Variants in CUL4A observed in about 807,000 individuals in gnomAD.
CUL4A encodes the protein cullin-4A.
In CUL4A, 16 loss-of-function variants were observed where a neutral mutation model predicts 95.5. The ratio of observed to expected loss-of-function variants is 0.17; its 90% CI spans 0.11 to 0.25. CUL4A has a LOEUF of 0.25. Among genes scored for constraint, CUL4A ranks in the 10% least tolerant of loss-of-function variants. CUL4A has a pLI of 1.00. For synonymous variants in CUL4A, 380 were observed against 353.1 expected (o/e 1.08, Z -0.85); for missense variants, 610 against 937.0 (o/e 0.65, Z 4.56).
At chr13:113,249,412 G>A (rs1313023512) in intron 15 of CUL4A, among the ~76,000 whole-genome samples, 4 of 151,448 alleles carry the variant, frequency 2.6e-5, no homozygotes, top group East Asian at 1.9e-4. Flanking sequence ...TATTCCATCC[G>A]TGCTGCACCA....
At chr13:113,211,934 C>T (rs111572088) in intron 2 of CUL4A, among the ~76,000 whole-genome samples, 165 of 152,288 alleles carry the variant, frequency 1.1e-3, no homozygotes, top group Non-Finnish European at 1.8e-3. Flanking sequence ...GTGCGTCTCT[C>T]CCAGCAGTGT....
At chr13:113,236,494 A>G (rs896731432) in intron 8 of CUL4A, among the ~76,000 whole-genome samples, 1 of 152,206 alleles carries the variant, frequency 6.6e-6, no homozygotes, top group Non-Finnish European at 1.5e-5. Flanking sequence ...AAGATGGTGC[A>G]TTAAAACGTT....
At chr13:113,230,786 T>C (rs1039652986) in intron 5 of CUL4A, among the ~76,000 whole-genome samples, 1 of 150,110 alleles carries the variant, frequency 6.7e-6, no homozygotes, top group East Asian at 1.9e-4. Context: ...ATTATTATTT[T>C]TAGAGACAGG....
Position 113,244,961 on chromosome 13 carries a change from T to C in CUL4A, c.1346T>C (p.Phe449Ser). The change falls in exon 13 of 20, where the codon TTT becomes TCT. Residue 449 changes from phenylalanine (F) to serine (S), a missense_variant. By Grantham distance (155) the Phe-to-Ser change is radical. Transcript: ENST00000375440. Reference sequence around the variant, plus strand: ...TGGTTATAAATAGGTAAAGATGTCTTTGAAGCATTTTATAAAAAAGATTTG... The same window carrying C: ...TGGTTATAAATAGGTAAAGATGTCTCTGAAGCATTTTATAAAAAAGATTTG... ...LFRFIHGKDV[F>S]EAFYKKDLAK... 1 of 1,608,360 alleles carries C rather than the reference T, an allele frequency of 6.2e-7. No homozygotes were observed. The highest frequency in any genetic ancestry group is 8.5e-7 in the Non-Finnish European group (1 of 1,174,704).
intron 3 of CUL4A, among the ~76,000 whole-genome samples, chr13:113,226,619 C>G (rs1046720195): frequency 6.6e-6 from 1 of 152,182 alleles, no homozygotes; most frequent in Non-Finnish European, 1.5e-5. Context: ...CCTAAAAATA[C>G]ACATTCTAAG....
At chr13:113,210,920 T>C (rs566672950) in intron 2 of CUL4A, among the ~76,000 whole-genome samples, 71 of 152,372 alleles carry the variant, frequency 4.7e-4, no homozygotes, top group African/African-American at 1.7e-3. Flanking sequence ...TTGGTGTACA[T>C]ACATCCATTC....
chr13:113,256,174 C>G (rs1320569551), intron 18 of CUL4A, among the ~76,000 whole-genome samples: 1 of 152,094 alleles, frequency 6.6e-6, no homozygotes, highest in Non-Finnish European at 1.5e-5. Context: ...GAAAAAACAC[C>G]TGGGATCACT....
intron 5 of CUL4A, among the ~76,000 whole-genome samples, chr13:113,232,563 G>A (rs1467953597): frequency 6.6e-6 from 1 of 152,226 alleles, no homozygotes; most frequent in Non-Finnish European, 1.5e-5. Context: ...AAAGCACAGA[G>A]CCCACAAGAT....
In CUL4A at chr13:113,213,147, G is replaced by T. The variant is rs189199799; in HGVS notation, c.264+3059G>T. On this transcript the variant is annotated intron_variant, in intron 2 of 19. Transcript: ENST00000375440. ...TCACACCTGTAATCCCAGCACTTTGGGGGGCTGAGGTGGCCTGATCGCTTG... is the reference window on the plus strand; with the variant it reads ...TCACACCTGTAATCCCAGCACTTTGTGGGGCTGAGGTGGCCTGATCGCTTG... 5.2e-3 allele frequency among the ~76,000 whole-genome samples: 788 copies of T among 152,220 alleles called. 4 individuals are homozygous for T. The highest frequency in any genetic ancestry group is 0.024 in the Middle Eastern group (7 of 294).
chr13:113,231,405 G>T (rs2041304869), intron 5 of CUL4A, among the ~76,000 whole-genome samples: 1 of 152,174 alleles, frequency 6.6e-6, no homozygotes, highest in African/African-American at 2.4e-5. Context: ...GCTAGTGATG[G>T]CTAGGACGGC....
chr13:113,220,739 G>A (rs2040865825), intron 3 of CUL4A, among the ~76,000 whole-genome samples: 1 of 152,194 alleles, frequency 6.6e-6, no homozygotes, highest in African/African-American at 2.4e-5. Context: ...GTTGACTAAT[G>A]TGCCATCAGT....
At chr13:113,209,118 G>A (rs1486374496), upstream of CUL4A, among the ~76,000 whole-genome samples, 1 of 150,742 alleles carries the variant, frequency 6.6e-6, no homozygotes, top group African/African-American at 2.4e-5. Flanking sequence ...GAGCCTGCAG[G>A]AGTTAGGGCA....
intron 2 of CUL4A, among the ~76,000 whole-genome samples, chr13:113,211,975 C>T (rs929009788): frequency 4.6e-5 from 7 of 152,350 alleles, no homozygotes; most frequent in South Asian, 4.1e-4. Flanking sequence ...CCGCCACCAG[C>T]GTGTGGTGTC....
At position 113,246,036 on chromosome 13, in the gene CUL4A, G is replaced by A. The variant is rs904983624; in HGVS notation, c.1611G>A (p.Thr537=). 16 of 1,613,576 alleles carry A rather than the reference G, an allele frequency of 9.9e-6. No homozygotes were observed. Among genetic ancestry groups the A allele is most frequent in the South Asian group, 4.4e-5 (4 of 91,030 alleles). ...CAATGGGCTACTGGCCAACATACAC[G>A]CCCATGGAAGTGCACTTAACCCCAG... is the stretch of plus-strand genomic sequence containing the variant. ...ILTMGYWPTY[T]PMEVHLTPEM... Residue 537 remains threonine (T), a synonymous_variant, in exon 15 of 20, where the codon ACG becomes ACA. Coordinates refer to ENST00000375440, the MANE Select transcript of CUL4A (RefSeq NM_001008895.4).
chr13:113,239,764 T>G (rs1281515524), intron 10 of CUL4A, among the ~76,000 whole-genome samples: 2 of 152,246 alleles, frequency 1.3e-5, no homozygotes, highest in African/African-American at 4.8e-5. Context: ...CAGCAGTGAT[T>G]AGCACCATCA....
rs779079891 is a variant in CUL4A at position 113,263,573 on chromosome 13, C to T, written c.2271C>T (p.Tyr757=). Residue 757 remains tyrosine (Y), a synonymous_variant, in exon 20 of 20, where the codon TAC becomes TAT. Transcript: ENST00000375440. The part of the protein sequence containing the change: ...RDKDNPNQYH[Y]VA ...AAGACAATCCGAATCAGTACCACTA[C>T]GTGGCCTGACGCATCTGCAGACGGT... 4.0e-5 allele frequency: 64 copies of T among 1,583,916 alleles called. No homozygotes were observed. Among genetic ancestry groups the T allele is most frequent in the Non-Finnish European group, 5.4e-5 (63 of 1,163,616 alleles).
rs1175896412 is a variant in CUL4A, at chr13:113,263,899, A to T, written c.*317A>T. ...TTAAAAGGTCTTGTTCTTGTGTCAA[A>T]AAGCTGCAAGTTTGGTTTGTTCTCG... On this transcript the variant is annotated 3_prime_UTR_variant, in exon 20 of 20. Coordinates refer to ENST00000375440, the MANE Select transcript of CUL4A (RefSeq NM_001008895.4). The T allele has an allele frequency of 1.9e-5, 4 of 209,692 alleles. No homozygotes were observed. The highest frequency in any genetic ancestry group is 3.8e-5 in the Non-Finnish European group (4 of 106,448). The allele number at this position is 209,692 out of a possible 1,614,324, so 13.0% of individuals were successfully genotyped here.
chr13:113,218,747 A>G (rs1013628784), intron 2 of CUL4A, among the ~76,000 whole-genome samples, 198 bp from the exon 3 acceptor site: 3 of 152,232 alleles, frequency 2.0e-5, no homozygotes, highest in South Asian at 2.1e-4. Context: ...CATGCCAACT[A>G]TGACTGGACT....
At chr13:113,215,656 G>A (rs1401470686) in intron 2 of CUL4A, among the ~76,000 whole-genome samples, 1 of 151,462 alleles carries the variant, frequency 6.6e-6, no homozygotes, top group Non-Finnish European at 1.5e-5. Flanking sequence ...TCATCCATGT[G>A]GCTCTGAAGG....
Sources: allele counts gnomAD v4.1 joint callset (sites outside exome capture counted in the v4.1 genomes callset), GRCh38; gene constraint gnomAD v4.1.1; transcripts MANE v1.5; gene names NCBI Gene and HGNC (gene_info 2026-07-23, HGNC 2026-07-21).